Variants in THSD7A observed in about 807,000 individuals in gnomAD.
The protein encoded by THSD7A is thrombospondin type-1 domain-containing protein 7A.
A neutral mutation model predicts 231.3 loss-of-function variants in THSD7A; 96 were observed. The observed-to-expected ratio is 0.41, with a 90% confidence interval of 0.35 to 0.49. The LOEUF (loss-of-function observed/expected upper bound fraction) is 0.49. Among genes scored for constraint, THSD7A ranks in the 20% least tolerant of loss-of-function variants. The pLI is 0.05. For synonymous variants in THSD7A, 940 were observed against 743.3 expected, an observed-to-expected ratio of 1.26 and a Z score of -4.30; for missense variants, 2,290 against 2,070.2, an observed-to-expected ratio of 1.11 and a Z score of -2.06.
At chr7:11,758,744 T>A (rs1345874913) in intron 1 of THSD7A, among the ~76,000 whole-genome samples, 1 of 152,094 alleles carries the variant, frequency 6.6e-6, no homozygotes, top group Non-Finnish European at 1.5e-5. Context: ...ATGGATGATA[T>A]GGCTTAAACT....
At chr7:11,405,169 C>T (rs1278045522) in intron 22 of THSD7A, among the ~76,000 whole-genome samples, 8 of 87,120 alleles carry the variant, frequency 9.2e-5, no homozygotes, top group Non-Finnish European at 1.7e-4. Flanking sequence ...TTTTTTTTTA[C>T]GAAGGAATAA....
At chr7:11,530,910 C>G (rs1038741936) in intron 6 of THSD7A, among the ~76,000 whole-genome samples, 1 of 152,064 alleles carries the variant, frequency 6.6e-6, no homozygotes, top group African/African-American at 2.4e-5. Flanking sequence ...ACTTGGGAGG[C>G]TGAGGCAGGA....
intron 6 of THSD7A, among the ~76,000 whole-genome samples, chr7:11,503,184 C>A (rs183976636): frequency 9.9e-5 from 15 of 152,248 alleles, no homozygotes; most frequent in African/African-American, 3.6e-4. Context: ...TGATCTTTGA[C>A]AAGGCTGACA....
At chr7:11,391,632 C>A (rs908302344) in intron 23 of THSD7A, among the ~76,000 whole-genome samples, 41 of 150,340 alleles carry the variant, frequency 2.7e-4, no homozygotes, top group African/African-American at 1.0e-3. Flanking sequence ...TGGTTCTGTC[C>A]TGCTGGCATT....
At chr7:11,739,734 T>C (rs1451531920) in intron 1 of THSD7A, among the ~76,000 whole-genome samples, 3 of 151,922 alleles carry the variant, frequency 2.0e-5, no homozygotes, top group African/African-American at 7.2e-5. Context: ...TCATCATCTC[T>C]TGCCTGGTCA....
chr7:11,630,482 C>G (rs1055285776), intron 2 of THSD7A, among the ~76,000 whole-genome samples: 4 of 152,024 alleles, frequency 2.6e-5, no homozygotes, highest in Admixed American at 6.6e-5. Context: ...TAATATTCAC[C>G]CCTTCATGTT....
At position 11,372,723 on chromosome 7, in the gene THSD7A, C is replaced by T. The variant is rs546962881; in HGVS notation, c.*3071G>A. The T allele has an allele frequency of 3.9e-5, 6 of 152,066 alleles. No homozygotes were observed. The highest frequency in any genetic ancestry group is 1.3e-4 in the Admixed American group (2 of 15,228). 9.4% of individuals were successfully genotyped at this position (152,066 alleles called of 1,614,324 possible). A position where few individuals can be genotyped will look rare whatever the true frequency, so the allele number is the denominator to read the frequency against. On this transcript the variant is annotated 3_prime_UTR_variant, in exon 28 of 28. Coordinates refer to ENST00000423059, the MANE Select transcript of THSD7A (RefSeq NM_015204.3). Reference sequence around the variant, plus strand: ...AGCAGTTCTACATCTTTTACCCCCTCGGTGAGGTAAAAGTGTCAATAGAGA... The same window carrying T: ...AGCAGTTCTACATCTTTTACCCCCTTGGTGAGGTAAAAGTGTCAATAGAGA...
intron 13 of THSD7A, among the ~76,000 whole-genome samples, chr7:11,440,735 T>G (rs1784778314): frequency 6.6e-6 from 1 of 152,066 alleles, no homozygotes; most frequent in Admixed American, 6.6e-5. Flanking sequence ...GAATTGCTTC[T>G]CATGGGTGAG....
chr7:11,738,756 C>T (rs542759276), intron 1 of THSD7A, among the ~76,000 whole-genome samples: 1 of 152,108 alleles, frequency 6.6e-6, no homozygotes, highest in African/African-American at 2.4e-5. Flanking sequence ...GAAAAGGCCA[C>T]TAAACAAGGT....
intron 1 of THSD7A, among the ~76,000 whole-genome samples, chr7:11,735,527 C>G (rs1435255091): frequency 6.6e-6 from 1 of 151,148 alleles, no homozygotes; most frequent in Non-Finnish European, 1.5e-5. Context: ...TATGTTTAGA[C>G]TTGATACTAT....
chr7:11,590,031 T>C lies in THSD7A; in HGVS notation c.1453+429A>G, dbSNP rs1008293997. On this transcript the variant is annotated intron_variant, in intron 4 of 27. Coordinates refer to ENST00000423059, the MANE Select transcript of THSD7A (RefSeq NM_015204.3). The surrounding 1 kb of genome is among the most constrained non-coding windows in gnomAD (Gnocchi z 4.4). Reference sequence around the variant, plus strand: ...TTGAAATTGACAATTTTATTCAATATCATAATTAACTTATTTTTAACCACA... The same window carrying C: ...TTGAAATTGACAATTTTATTCAATACCATAATTAACTTATTTTTAACCACA... Among the ~76,000 whole-genome samples the C allele has an allele frequency of 6.6e-6, 1 of 152,202 alleles. No individual in the cohort carries two copies. The highest frequency in any genetic ancestry group is 2.4e-5 in the African/African-American group (1 of 41,444).
chr7:11,807,061 G>T (rs1377876631), intron 1 of THSD7A, among the ~76,000 whole-genome samples: 6 of 151,534 alleles, frequency 4.0e-5, no homozygotes, highest in Non-Finnish European at 5.9e-5. Flanking sequence ...ATTTGGTGTT[G>T]ACATTATGAC....
chr7:11,588,800 T>C (rs1424671024), intron 4 of THSD7A, among the ~76,000 whole-genome samples: 1 of 152,184 alleles, frequency 6.6e-6, no homozygotes, highest in Non-Finnish European at 1.5e-5. Context: ...CTTAAGAGTG[T>C]TAAAATGCAG....
chr7:11,704,612 CT>C (rs1364334543), intron 1 of THSD7A, among the ~76,000 whole-genome samples: 1 of 150,790 alleles, frequency 6.6e-6, no homozygotes, highest in African/African-American at 2.4e-5. Context: ...GCCAAGGGAC[CT>C]TTGGAGAATA....
chr7:11,567,367 C>T (rs1790397685), intron 4 of THSD7A, among the ~76,000 whole-genome samples: 1 of 152,094 alleles, frequency 6.6e-6, no homozygotes. Flanking sequence ...ACGAGAACAG[C>T]ACAGAAAAAA....
At chr7:11,672,909 T>C (rs12539870) in intron 1 of THSD7A, among the ~76,000 whole-genome samples, 115,581 of 151,968 alleles carry the variant, frequency 0.76, 44,656 homozygotes, top group African/African-American at 0.9. Context: ...TTTTAATTAG[T>C]TTCAGCTGAA....
intron 23 of THSD7A, among the ~76,000 whole-genome samples, chr7:11,391,778 G>C (rs1248661827): frequency 6.6e-6 from 1 of 152,132 alleles, no homozygotes; most frequent in African/African-American, 2.4e-5. Context: ...TCTGCGGGTT[G>C]CAAAGACTGC....
intron 7 of THSD7A, among the ~76,000 whole-genome samples, chr7:11,479,222 G>A (rs1786324106): frequency 6.6e-6 from 1 of 152,132 alleles, no homozygotes; most frequent in Non-Finnish European, 1.5e-5. Flanking sequence ...GCACAACCTA[G>A]TCTATCCTTA....
chr7:11,659,098 C>T (rs570657351), intron 1 of THSD7A, among the ~76,000 whole-genome samples: 1 of 151,764 alleles, frequency 6.6e-6, no homozygotes, highest in South Asian at 2.1e-4. Context: ...CCAACTCTTC[C>T]AGTTATTACT....
Sources: allele counts gnomAD v4.1 joint callset (sites outside exome capture counted in the v4.1 genomes callset), GRCh38; gene constraint gnomAD v4.1.1; non-coding constraint Gnocchi (gnomAD v3.1); transcripts MANE v1.5; gene names NCBI Gene and HGNC (gene_info 2026-07-23, HGNC 2026-07-21).